LDB2: variants seen among roughly 807,000 people sequenced by gnomAD.
LDB2 encodes the protein LIM domain binding 2, also known as LIM domain-binding protein 2.
In LDB2, 12 loss-of-function variants were observed where a neutral mutation model predicts 44.3. The ratio of observed to expected loss-of-function variants is 0.27; its 90% CI spans 0.17 to 0.44. The LOEUF is 0.44. Among genes scored for constraint, LDB2 ranks in the 20% least tolerant of loss-of-function variants. The pLI is 1.00. For missense variants in LDB2, 344 were observed against 473.5 expected, an observed-to-expected ratio of 0.73 and a Z score of 2.54; for synonymous variants, 164 against 174.8, an observed-to-expected ratio of 0.94 and a Z score of 0.49.
At chr4:16,712,272 G>T (rs2152663320) in intron 2 of LDB2, among the ~76,000 whole-genome samples, 1 of 152,294 alleles carries the variant, frequency 6.6e-6, no homozygotes, top group African/African-American at 2.4e-5. Context: ...CTCCAATGAA[G>T]AAAGCTATAC....
chr4:16,614,580 C>CAA (rs1164613202), intron 2 of LDB2, among the ~76,000 whole-genome samples: 64 of 53,788 alleles, frequency 1.2e-3, no homozygotes, highest in Non-Finnish European at 1.6e-3. Flanking sequence ...CAAGAAAAAA[C>CAA]AAAAAAAAAA....
At chr4:16,554,296 C>T (rs931300925) in intron 5 of LDB2, among the ~76,000 whole-genome samples, 7 of 152,090 alleles carry the variant, frequency 4.6e-5, no homozygotes, top group Non-Finnish European at 7.3e-5. Flanking sequence ...GTGATCCACC[C>T]GCCTCGGCCC....
intron 5 of LDB2, among the ~76,000 whole-genome samples, chr4:16,566,403 A>G (rs1249906831): frequency 4.6e-5 from 7 of 152,168 alleles, no homozygotes; most frequent in Admixed American, 3.3e-4. Flanking sequence ...TAATTTAGAA[A>G]TATGCTAAAA....
At chr4:16,797,539 C>A (rs924022858) in intron 1 of LDB2, among the ~76,000 whole-genome samples, 2 of 151,990 alleles carry the variant, frequency 1.3e-5, no homozygotes, top group African/African-American at 4.8e-5. Context: ...CTTTAATATG[C>A]TGAGACATTT....
chr4:16,573,789 A>G (rs980793558), intron 5 of LDB2, among the ~76,000 whole-genome samples: 2 of 152,180 alleles, frequency 1.3e-5, no homozygotes, highest in Non-Finnish European at 2.9e-5. Flanking sequence ...TGTGACTACC[A>G]GTAACTACGG....
intron 1 of LDB2, among the ~76,000 whole-genome samples, chr4:16,819,446 T>C (rs1781547392): frequency 7.0e-6 from 1 of 142,490 alleles, no homozygotes. Context: ...TGAACCTCAC[T>C]TTCCTGCACT....
At chr4:16,815,980 G>A (rs561671899) in intron 1 of LDB2, among the ~76,000 whole-genome samples, 25 of 152,332 alleles carry the variant, frequency 1.6e-4, no homozygotes, top group South Asian at 1.5e-3. Flanking sequence ...GGCCGAGGCG[G>A]GTGGATCGTC....
rs898846983 is a variant in LDB2 at position 16,502,593 on chromosome 4, G to C, written c.*50C>G. ...CTCCTGTAAGTAAAGATTTGCAATT[G>C]TAATGATCACCCACGGGCCTATTGA... On this transcript the variant is annotated 3_prime_UTR_variant, in exon 8 of 8. Transcript: ENST00000304523. 6.3e-7 allele frequency: 1 copy of C among 1,596,792 alleles called. No homozygotes were observed. The highest frequency in any genetic ancestry group is 1.3e-5 in the African/African-American group (1 of 74,490).
chr4:16,717,578 A>T (rs1757347509), intron 2 of LDB2, among the ~76,000 whole-genome samples: 1 of 152,222 alleles, frequency 6.6e-6, no homozygotes, highest in South Asian at 2.1e-4. Flanking sequence ...TAATAATCAT[A>T]TAAAAAGTTT....
At chr4:16,763,702 C>G (rs774518618) in intron 1 of LDB2, among the ~76,000 whole-genome samples, 1 of 152,128 alleles carries the variant, frequency 6.6e-6, no homozygotes, top group Non-Finnish European at 1.5e-5. Context: ...ATGTATTGAA[C>G]CATTTTATAT....
intron 2 of LDB2, among the ~76,000 whole-genome samples, chr4:16,687,410 A>C (rs1275263737): frequency 6.6e-6 from 1 of 152,202 alleles, no homozygotes; most frequent in East Asian, 1.9e-4. Flanking sequence ...TGAACCAGGA[A>C]GCAGGCTGTC....
chr4:16,654,195 G>T (rs887400220), intron 2 of LDB2, among the ~76,000 whole-genome samples: 1 of 152,200 alleles, frequency 6.6e-6, no homozygotes, highest in African/African-American at 2.4e-5. Context: ...TATGAACACA[G>T]AGGAAACAGT....
intron 2 of LDB2, among the ~76,000 whole-genome samples, chr4:16,623,249 CAA>C (rs1729365471): frequency 6.6e-6 from 1 of 152,298 alleles, no homozygotes; most frequent in South Asian, 2.1e-4. Flanking sequence ...ACAAAAAAGA[CAA>C]AATGTTCTGC....
chr4:16,814,915 A>G (rs1346501707), intron 1 of LDB2, among the ~76,000 whole-genome samples: 1 of 152,208 alleles, frequency 6.6e-6, no homozygotes, highest in East Asian at 1.9e-4. Context: ...AAGTTGGAAG[A>G]AAAAAACATT....
chr4:16,678,786 G>A (rs761441468), intron 2 of LDB2, among the ~76,000 whole-genome samples: 20 of 152,150 alleles, frequency 1.3e-4, no homozygotes, highest in Non-Finnish European at 2.6e-4. Context: ...ATGACAGGGT[G>A]AGAAAATGGT....
At chr4:16,792,320 G>C (rs551971430) in intron 1 of LDB2, among the ~76,000 whole-genome samples, 1 of 152,306 alleles carries the variant, frequency 6.6e-6, no homozygotes, top group South Asian at 2.1e-4. Flanking sequence ...TGTGTTTAAA[G>C]TGTTTTACAA....
chr4:16,875,302 T>C (rs1718026858), intron 1 of LDB2, among the ~76,000 whole-genome samples: 1 of 152,152 alleles, frequency 6.6e-6, no homozygotes, highest in Non-Finnish European at 1.5e-5. Context: ...CCTCATTTGA[T>C]GTCTTAAGCT....
intron 1 of LDB2, among the ~76,000 whole-genome samples, chr4:16,877,651 C>A (rs1045055503): frequency 6.6e-6 from 1 of 152,126 alleles, no homozygotes; most frequent in African/African-American, 2.4e-5. Context: ...CATACACATA[C>A]ATATATCAGT....
intron 1 of LDB2, among the ~76,000 whole-genome samples, chr4:16,842,581 T>C (rs1479607681): frequency 2.0e-5 from 3 of 152,224 alleles, no homozygotes; most frequent in African/African-American, 7.2e-5. Context: ...GAGTGATCTT[T>C]GAATGGAAAT....
Sources: gnomAD v4.1 joint callset for allele counts (sites outside exome capture counted in the v4.1 genomes callset) on GRCh38, gnomAD v4.1.1 for gene constraint, MANE v1.5 for transcripts, NCBI Gene and HGNC (gene_info 2026-07-23, HGNC 2026-07-21) for gene names.